MGAT4C: variants seen among roughly 807,000 people sequenced by gnomAD.
The protein encoded by MGAT4C is MGAT4 family member C, also known as alpha-1,3-mannosyl-glycoprotein 4-beta-N-acetylglucosaminyltransferase C.
A neutral mutation model predicts 40.1 loss-of-function variants in MGAT4C; 19 were observed. The ratio of observed to expected loss-of-function variants is 0.47; its 90% CI spans 0.33 to 0.70. The LOEUF (loss-of-function observed/expected upper bound fraction) is 0.70, where lower values mean the gene tolerates loss of function less well. Ranked by LOEUF, MGAT4C falls within the 30% of genes least tolerant of loss-of-function variation. The probability of loss-of-function intolerance (pLI) is 0.02; values close to 1 mark genes in which losing one functional copy is unlikely to be tolerated. For synonymous variants in MGAT4C, 181 were observed against 187.1 expected (o/e 0.97, Z 0.27); for missense variants, 491 against 563.2 (o/e 0.87, Z 1.30).
At chr12:86,269,753 G>C (rs997774917) in intron 4 of MGAT4C, among the ~76,000 whole-genome samples, 1 of 152,064 alleles carries the variant, frequency 6.6e-6, no homozygotes. Flanking sequence ...ATGAGATTTA[G>C]ACTATATTAA....
intron 1 of MGAT4C, among the ~76,000 whole-genome samples, chr12:86,792,428 C>G (rs916946598): frequency 6.6e-6 from 1 of 152,094 alleles, no homozygotes; most frequent in Admixed American, 6.6e-5. Context: ...GAAAGCACTG[C>G]TATCATGGAT....
chr12:86,594,148 T>C (rs1810267421), intron 2 of MGAT4C, among the ~76,000 whole-genome samples: 2 of 152,162 alleles, frequency 1.3e-5, no homozygotes. Flanking sequence ...ACTATTGAAC[T>C]GTTTTCACCA....
At chr12:86,395,495 A>G (rs1473789345) in intron 3 of MGAT4C, among the ~76,000 whole-genome samples, 1 of 152,224 alleles carries the variant, frequency 6.6e-6, no homozygotes, top group Non-Finnish European at 1.5e-5. Flanking sequence ...TCATCCAACA[A>G]GTAAGAGAAA....
chr12:86,725,547 G>A (rs1950808224), intron 2 of MGAT4C, among the ~76,000 whole-genome samples: 1 of 151,974 alleles, frequency 6.6e-6, no homozygotes, highest in Admixed American at 6.6e-5. Context: ...TGCAACCTCC[G>A]CCTCCTGAGT....
chr12:86,355,828 G>A (rs573198227), intron 3 of MGAT4C, among the ~76,000 whole-genome samples: 2 of 152,036 alleles, frequency 1.3e-5, no homozygotes, highest in African/African-American at 4.8e-5. Context: ...AAAAACAACA[G>A]TAATGACAAC....
intron 1 of MGAT4C, among the ~76,000 whole-genome samples, chr12:86,171,521 G>C (rs1056700267): frequency 2.6e-5 from 4 of 152,054 alleles, no homozygotes; most frequent in Non-Finnish European, 2.9e-5. Flanking sequence ...CATTCTAATG[G>C]CTCATTAAAA....
At chr12:86,245,879 A>G (rs905281491) in intron 1 of MGAT4C, among the ~76,000 whole-genome samples, 2 of 152,232 alleles carry the variant, frequency 1.3e-5, no homozygotes, top group African/African-American at 4.8e-5. Context: ...GAATAAATCT[A>G]TAATCATCAT....
intron 4 of MGAT4C, among the ~76,000 whole-genome samples, chr12:86,322,957 A>G (rs1954432455): frequency 6.6e-6 from 1 of 152,130 alleles, no homozygotes; most frequent in Non-Finnish European, 1.5e-5. Context: ...CATTATTCAA[A>G]TAATTATTAA....
At chr12:86,115,407 C>G (rs1878246870) in intron 1 of MGAT4C, among the ~76,000 whole-genome samples, 1 of 151,724 alleles carries the variant, frequency 6.6e-6, no homozygotes, top group African/African-American at 2.4e-5. Flanking sequence ...TGATACAATA[C>G]TAATTTAAAT....
intron 2 of MGAT4C, chr12:86,015,940 G>T (rs1419391927): frequency 1.3e-5 from 2 of 152,132 alleles, no homozygotes; most frequent in African/African-American, 2.4e-5. Context: ...GGGCTACATT[G>T]CTTTCTCATG....
chr12:86,076,740 C>T (rs983399685), intron 1 of MGAT4C, among the ~76,000 whole-genome samples: 8 of 152,030 alleles, frequency 5.3e-5, no homozygotes, highest in Admixed American at 2.0e-4. Context: ...TGGAAAAGAC[C>T]GGCCCCCATG....
intron 3 of MGAT4C, among the ~76,000 whole-genome samples, chr12:86,387,826 C>G (rs1180630736): frequency 6.6e-6 from 1 of 152,068 alleles, no homozygotes; most frequent in African/African-American, 2.4e-5. Context: ...TTATCAAATA[C>G]TGTGGATGTT....
At chr12:85,991,394 A>G (rs1885923237) in intron 2 of MGAT4C, among the ~76,000 whole-genome samples, 2 of 152,138 alleles carry the variant, frequency 1.3e-5, no homozygotes, top group Non-Finnish European at 2.9e-5. Flanking sequence ...TCTGGTCTGC[A>G]GGACTGGCAG....
intron 2 of MGAT4C, among the ~76,000 whole-genome samples, chr12:86,601,968 G>A (rs1308177745): frequency 6.6e-6 from 1 of 152,152 alleles, no homozygotes; most frequent in Non-Finnish European, 1.5e-5. Context: ...GCTTTGGGGT[G>A]CCACCGCGTT....
chr12:86,024,501 C>G (rs756762866), intron 2 of MGAT4C, among the ~76,000 whole-genome samples: 1 of 151,670 alleles, frequency 6.6e-6, no homozygotes, highest in Non-Finnish European at 1.5e-5. Flanking sequence ...AATTACTGCT[C>G]TTACATTGAT....
rs567606122 is a variant in MGAT4C, at chr12:85,976,290, A to C, written c.*2999T>G. The C allele has an allele frequency of 3.3e-4, 50 of 151,224 alleles. No homozygotes were observed. The highest frequency in any genetic ancestry group is 1.1e-3 in the African/African-American group (47 of 41,488). 9.4% of individuals were successfully genotyped at this position (151,224 alleles called of 1,614,324 possible). Reference sequence around the variant, plus strand: ...AAAATATCTACTTTATAAATAGCACAAAGTTATAGTTTTCAATGAATATGA... The same window carrying C: ...AAAATATCTACTTTATAAATAGCACCAAGTTATAGTTTTCAATGAATATGA... On this transcript the variant is annotated 3_prime_UTR_variant, in exon 5 of 5. Coordinates refer to ENST00000611864, the MANE Select transcript of MGAT4C (RefSeq NM_001351288.2).
intron 1 of MGAT4C, among the ~76,000 whole-genome samples, chr12:86,731,495 A>T (rs953379471): frequency 6.6e-6 from 1 of 151,958 alleles, no homozygotes; most frequent in African/African-American, 2.4e-5. Context: ...GAATCATCTT[A>T]GTCTCTTTAA....
intron 1 of MGAT4C, among the ~76,000 whole-genome samples, chr12:86,736,474 CTATCT>C (rs1950987375): frequency 6.6e-6 from 1 of 151,594 alleles, no homozygotes; most frequent in South Asian, 2.1e-4. Context: ...ACATTGTTTC[CTATCT>C]TATTTGTATA....
chr12:86,380,446 T>C (rs1406614814), intron 3 of MGAT4C, among the ~76,000 whole-genome samples: 1 of 152,072 alleles, frequency 6.6e-6, no homozygotes, highest in Non-Finnish European at 1.5e-5. Flanking sequence ...ATTGCTTGTA[T>C]GCCAGAAATA....
Sources: gnomAD v4.1 joint callset for allele counts (sites outside exome capture counted in the v4.1 genomes callset) on GRCh38, gnomAD v4.1.1 for gene constraint, MANE v1.5 for transcripts, NCBI Gene and HGNC (gene_info 2026-07-23, HGNC 2026-07-21) for gene names.